CACNA1D: variants seen among roughly 807,000 people sequenced by gnomAD.
CACNA1D encodes the protein calcium voltage-gated channel subunit alpha1 D, also known as voltage-dependent L-type calcium channel subunit alpha-1D.
A neutral mutation model predicts 257.1 loss-of-function variants in CACNA1D; 55 were observed. The ratio of observed to expected loss-of-function variants is 0.21; its 90% CI spans 0.17 to 0.27. CACNA1D has a LOEUF of 0.27. Ranked by LOEUF, CACNA1D falls within the 10% of genes least tolerant of loss-of-function variation. The pLI, the probability that CACNA1D is intolerant of heterozygous loss-of-function variation, is 1.00. For missense variants in CACNA1D, 1,876 were observed against 2,784.0 expected, an observed-to-expected ratio of 0.67 and a Z score of 7.34; for synonymous variants, 980 against 1,014.9, an observed-to-expected ratio of 0.97 and a Z score of 0.65.
chr3:53,622,330 G>A (rs1244179646), intron 3 of CACNA1D, among the ~76,000 whole-genome samples: 1 of 152,188 alleles, frequency 6.6e-6, no homozygotes, highest in East Asian at 1.9e-4. Context: ...CTGTGACCCA[G>A]CAATTTTATT....
chr3:53,699,795 G>T (rs2094604023), intron 8 of CACNA1D, among the ~76,000 whole-genome samples: 1 of 152,162 alleles, frequency 6.6e-6, no homozygotes, highest in Non-Finnish European at 1.5e-5. Flanking sequence ...GACCATCATT[G>T]TGAGTGGGCC....
In CACNA1D at chr3:53,793,103, G is replaced by A. The variant is rs1049541716; in HGVS notation, c.4923+6151G>A. Among the ~76,000 whole-genome samples, 19 of 152,176 alleles carry A rather than the reference G, an allele frequency of 1.2e-4. No homozygotes were observed. The highest frequency in any genetic ancestry group is 4.6e-4 in the African/African-American group (19 of 41,444). ...AGCACAGCTGCACCTGGTATCAACC[G>A]CTGTTACCCTAGCACCTGAGTCTCC... On this transcript the variant is annotated intron_variant, in intron 40 of 47. Coordinates refer to ENST00000350061, the MANE Select transcript of CACNA1D (RefSeq NM_001128840.3). The surrounding 1 kb of genome is among the most constrained non-coding windows in gnomAD (Gnocchi z 4.1).
At chr3:53,703,727 T>C (rs1036360319) in intron 9 of CACNA1D, among the ~76,000 whole-genome samples, 4 of 152,204 alleles carry the variant, frequency 2.6e-5, no homozygotes, top group African/African-American at 9.6e-5. Flanking sequence ...AGCAAGTCCC[T>C]GCTTGAGCAG....
intron 14 of CACNA1D, among the ~76,000 whole-genome samples, chr3:53,724,892 G>A (rs1036105961): frequency 1.3e-5 from 2 of 152,012 alleles, no homozygotes; most frequent in Non-Finnish European, 2.9e-5. Flanking sequence ...TCATTTTCAG[G>A]TATATATAAT....
chr3:53,608,345 A>G (rs2093539767), intron 3 of CACNA1D, among the ~76,000 whole-genome samples: 2 of 152,224 alleles, frequency 1.3e-5, no homozygotes, highest in South Asian at 2.1e-4. Flanking sequence ...TGTATCCCAT[A>G]ACCTTGTAAA....
chr3:53,520,895 T>TTTCTTTCTTTC (rs1553713023), intron 3 of CACNA1D, among the ~76,000 whole-genome samples: 131 of 86,840 alleles, frequency 1.5e-3, no homozygotes, highest in South Asian at 5.8e-3. Context: ...TCTTTCTTTC[T>TTTCTTTCTTTC]TTTCTTTTCT....
intron 3 of CACNA1D, among the ~76,000 whole-genome samples, chr3:53,555,460 G>GTTTTTT (rs372133749): frequency 1.7e-4 from 13 of 78,364 alleles, no homozygotes; most frequent in African/African-American, 1.7e-4. Context: ...GTGTGTGTGT[G>GTTTTTT]TTTTTTTTTT....
In CACNA1D at chr3:53,723,308, T is replaced by C. The variant is rs2094900209; in HGVS notation, c.1667-126T>C. ...CACGTTTCTGTCCTGAGTGAGGTAGTGAAGAGAGAGACAAGGTATTGGCGT... is the reference window on the plus strand; with the variant it reads ...CACGTTTCTGTCCTGAGTGAGGTAGCGAAGAGAGAGACAAGGTATTGGCGT... On this transcript the variant is annotated intron_variant, in intron 12 of 47. Coordinates refer to ENST00000350061, the MANE Select transcript of CACNA1D (RefSeq NM_001128840.3). The surrounding 1 kb of genome is among the most constrained non-coding windows in gnomAD (Gnocchi z 5.6). The C allele has an allele frequency of 2.6e-6, 2 of 761,470 alleles. No individual in the cohort carries two copies. The highest frequency in any genetic ancestry group is 1.9e-5 in the Admixed American group (1 of 53,088). 47.2% of individuals were successfully genotyped at this position (761,470 alleles called of 1,614,324 possible).
intron 39 of CACNA1D, chr3:53,786,522 G>C: frequency 2.8e-6 from 1 of 360,370 alleles, no homozygotes; most frequent in Non-Finnish European, 5.2e-6. Context: ...AACCAAGACA[G>C]CATTTCATAG....
intron 3 of CACNA1D, among the ~76,000 whole-genome samples, chr3:53,540,242 C>T (rs147175182): frequency 0.01 from 1,529 of 152,030 alleles, 37 homozygotes; most frequent in African/African-American, 0.035. Context: ...CCTCAGCCTC[C>T]TGAGTAGTGG....
At chr3:53,623,624 C>T (rs1414161522) in intron 3 of CACNA1D, among the ~76,000 whole-genome samples, 1 of 127,166 alleles carries the variant, frequency 7.9e-6, no homozygotes, top group Admixed American at 7.7e-5. Flanking sequence ...CTTTGTTACA[C>T]AGTGCTATTT....
In CACNA1D at chr3:53,673,162, C is replaced by T. The variant is rs2094342067; in HGVS notation, c.1220+36C>T. ...CCTCTTTCATCTTGAAAGCAGAGTC[C>T]TGAGGACAGTTGCCAAGACCACACA... On this transcript the variant is annotated intron_variant, in intron 8 of 47. Coordinates refer to ENST00000350061, the MANE Select transcript of CACNA1D (RefSeq NM_001128840.3). This position sits in a 1 kb window ranked among gnomAD's most constrained non-coding sequence, Gnocchi z 4.1. The T allele has an allele frequency of 7.7e-6, 11 of 1,425,318 alleles. No homozygotes were observed. Among genetic ancestry groups the T allele is most frequent in the Non-Finnish European group, 1.1e-5 (11 of 1,032,360 alleles). The allele number at this position is 1,425,318 out of a possible 1,614,324, so 88.3% of individuals were successfully genotyped here.
At chr3:53,767,823 G>A (rs975023098) in intron 30 of CACNA1D, among the ~76,000 whole-genome samples, 9 of 152,318 alleles carry the variant, frequency 5.9e-5, no homozygotes, top group South Asian at 2.1e-4. Flanking sequence ...CCCCGGGGCT[G>A]CCAGTCACAT....
At chr3:53,601,034 GAA>G (rs2093435225) in intron 3 of CACNA1D, among the ~76,000 whole-genome samples, 1 of 152,148 alleles carries the variant, frequency 6.6e-6, no homozygotes, top group African/African-American at 2.4e-5. Flanking sequence ...TGTTAGGAGA[GAA>G]ATGATCTCAG....
chr3:53,771,375 T>C (rs1034766927), intron 32 of CACNA1D, among the ~76,000 whole-genome samples: 22 of 152,214 alleles, frequency 1.4e-4, no homozygotes, highest in African/African-American at 5.1e-4. Context: ...CAAAGGTATA[T>C]AAAGAGAAAT....
intron 3 of CACNA1D, among the ~76,000 whole-genome samples, chr3:53,550,849 T>C (rs745350524): frequency 6.6e-6 from 1 of 152,210 alleles, no homozygotes; most frequent in Admixed American, 6.5e-5. Flanking sequence ...GTTTTTCACT[T>C]AAATGAGCAA....
chr3:53,746,255 G>A (rs1230992506), intron 25 of CACNA1D, among the ~76,000 whole-genome samples: 1 of 152,174 alleles, frequency 6.6e-6, no homozygotes, highest in Non-Finnish European at 1.5e-5. Flanking sequence ...TGACAGCCAT[G>A]TGGATGATTT....
intron 19 of CACNA1D, 33 bp downstream of exon 19, chr3:53,732,995 C>T: frequency 6.2e-7 from 1 of 1,612,384 alleles, no homozygotes; most frequent in Non-Finnish European, 8.5e-7. Context: ...CTCACGGCTG[C>T]CTCTTGCCAG....
chr3:53,503,597 T>C (rs1428663341), intron 3 of CACNA1D, among the ~76,000 whole-genome samples: 1 of 152,260 alleles, frequency 6.6e-6, no homozygotes, highest in Non-Finnish European at 1.5e-5. Context: ...CAATTAATAT[T>C]CTGAATTTTT....
Sources: gnomAD v4.1 joint callset for allele counts (sites outside exome capture counted in the v4.1 genomes callset) on GRCh38, gnomAD v4.1.1 for gene constraint, Gnocchi (gnomAD v3.1) non-coding constraint, MANE v1.5 for transcripts, NCBI Gene and HGNC (gene_info 2026-07-23, HGNC 2026-07-21) for gene names.